PTPRD: variants seen among roughly 807,000 people sequenced by gnomAD.
PTPRD encodes protein tyrosine phosphatase receptor type D.
A neutral mutation model predicts 214.5 loss-of-function variants in PTPRD; 34 were observed. The ratio of observed to expected loss-of-function variants is 0.16; its 90% CI spans 0.12 to 0.21. The LOEUF (loss-of-function observed/expected upper bound fraction) is 0.21. Ranked by LOEUF, PTPRD falls within the 10% of genes least tolerant of loss-of-function variation. PTPRD has a pLI of 1.00. For missense variants in PTPRD, 2,545 were observed against 2,398.7 expected (o/e 1.06, Z -1.27); for synonymous variants, 1,128 against 845.7 (o/e 1.33, Z -5.79).
intron 12 of PTPRD, among the ~76,000 whole-genome samples, chr9:8,694,330 G>A (rs10125358): frequency 0.31 from 46,413 of 151,764 alleles, 8,254 homozygotes; most frequent in African/African-American, 0.48. Context: ...AAAGGAAGCA[G>A]AATCCATAGA....
At position 9,829,025 on chromosome 9, in the gene PTPRD, T is replaced by C. The variant is rs578243914; in HGVS notation, c.-367-62174A>G. Among the ~76,000 whole-genome samples, 13 of 152,040 alleles carry C rather than the reference T, an allele frequency of 8.6e-5. No homozygotes were observed. The South Asian group carries it at 1.9e-3, about 22-fold the overall frequency. On this transcript the variant is annotated intron_variant, in intron 5 of 45. Coordinates refer to ENST00000381196, the MANE Select transcript of PTPRD (RefSeq NM_002839.4). The stretch of plus-strand genomic sequence containing the variant: ...AATGAGTTGATACAAATTATTATTT[T>C]ACTACTGATGCATCCTGATGTTTAA...
At chr9:10,040,300 A>G (rs1030663804) in intron 3 of PTPRD, among the ~76,000 whole-genome samples, 1 of 152,056 alleles carries the variant, frequency 6.6e-6, no homozygotes, top group African/African-American at 2.4e-5. Context: ...TGCATGCTGG[A>G]TGTAGCTTTG....
chr9:9,051,124 T>C (rs1259069217), intron 10 of PTPRD, among the ~76,000 whole-genome samples: 1 of 152,204 alleles, frequency 6.6e-6, no homozygotes, highest in Non-Finnish European at 1.5e-5. Flanking sequence ...TCATTCTCTG[T>C]ACATATTCTA....
intron 11 of PTPRD, among the ~76,000 whole-genome samples, chr9:8,906,476 AAGAGGT>A (rs1195659691): frequency 6.6e-6 from 1 of 152,196 alleles, no homozygotes; most frequent in East Asian, 1.9e-4. Flanking sequence ...TATCTACCTC[AAGAGGT>A]GATCAAAGAA....
At chr9:9,751,809 A>T (rs761214998) in intron 6 of PTPRD, among the ~76,000 whole-genome samples, 3 of 152,140 alleles carry the variant, frequency 2.0e-5, no homozygotes, top group Admixed American at 1.3e-4. Context: ...TAAGCTGCTC[A>T]GTTTGTACTA....
In PTPRD at chr9:9,901,918, T is replaced by A. The variant is rs1426741463; in HGVS notation, c.-368+36589A>T. Reference sequence around the variant, plus strand: ...TCTTGCGAGAACTCGCTCACCATCATGAAAACAGCAAATATTTTTATTTAG... The same window carrying A: ...TCTTGCGAGAACTCGCTCACCATCAAGAAAACAGCAAATATTTTTATTTAG... On this transcript the variant is annotated intron_variant, in intron 5 of 45. Coordinates refer to ENST00000381196, the MANE Select transcript of PTPRD (RefSeq NM_002839.4). Among the ~76,000 whole-genome samples the A allele has an allele frequency of 3.3e-5, 5 of 152,308 alleles. No homozygotes were observed. In the South Asian group the frequency reaches 1.0e-3, roughly 32 times the overall value.
At chr9:9,927,651 G>A (rs755699163) in intron 5 of PTPRD, among the ~76,000 whole-genome samples, 3 of 152,020 alleles carry the variant, frequency 2.0e-5, no homozygotes, top group East Asian at 1.9e-4. Flanking sequence ...TAAATACACC[G>A]TGCATCTCCT....
At chr9:9,526,508 T>C (rs2074157184) in intron 8 of PTPRD, among the ~76,000 whole-genome samples, 1 of 152,266 alleles carries the variant, frequency 6.6e-6, no homozygotes, top group South Asian at 2.1e-4. Flanking sequence ...TATTTAAAAA[T>C]ACAGACTAGA....
chr9:9,145,404 A>G (rs894198029), intron 10 of PTPRD, among the ~76,000 whole-genome samples: 7 of 152,188 alleles, frequency 4.6e-5, no homozygotes, highest in Non-Finnish European at 7.4e-5. Flanking sequence ...TATATTGTAT[A>G]TCTTTAAGTT....
intron 2 of PTPRD, among the ~76,000 whole-genome samples, chr9:10,461,804 T>C (rs1249462910): frequency 6.6e-6 from 1 of 151,964 alleles, no homozygotes; most frequent in African/African-American, 2.4e-5. Flanking sequence ...GTATTTTTAG[T>C]AGAGACGGGG....
chr9:10,123,518 A>C (rs753106249), intron 3 of PTPRD, among the ~76,000 whole-genome samples: 1 of 152,148 alleles, frequency 6.6e-6, no homozygotes, highest in African/African-American at 2.4e-5. Context: ...CCTCTCTCCT[A>C]ATTATTCTCT....
At chr9:9,721,212 T>C (rs781442751) in intron 7 of PTPRD, among the ~76,000 whole-genome samples, 8 of 152,140 alleles carry the variant, frequency 5.3e-5, no homozygotes, top group African/African-American at 1.9e-4. Context: ...TAGAGGATCA[T>C]GGAATATCTT....
intron 2 of PTPRD, among the ~76,000 whole-genome samples, chr9:10,478,714 A>G: frequency 6.6e-6 from 1 of 151,570 alleles, no homozygotes; most frequent in Admixed American, 6.6e-5. Flanking sequence ...GAGTTACTAT[A>G]TTCTGTAATA....
At chr9:8,670,602 T>A (rs1309801997) in intron 12 of PTPRD, among the ~76,000 whole-genome samples, 1 of 152,230 alleles carries the variant, frequency 6.6e-6, no homozygotes, top group Non-Finnish European at 1.5e-5. Context: ...TCCCATACTT[T>A]CGCGTTCTAA....
intron 8 of PTPRD, among the ~76,000 whole-genome samples, chr9:9,536,581 A>G (rs1362729947): frequency 6.6e-6 from 1 of 152,048 alleles, no homozygotes; most frequent in African/African-American, 2.4e-5. Flanking sequence ...ACTGGGCTGG[A>G]CAGAGCAATA....
At chr9:9,085,530 G>A (rs484454) in intron 10 of PTPRD, among the ~76,000 whole-genome samples, 1 of 151,922 alleles carries the variant, frequency 6.6e-6, no homozygotes, top group African/African-American at 2.4e-5. Flanking sequence ...TTTCCAAACA[G>A]TTTAGAAACT....
In PTPRD at chr9:8,832,171, G is replaced by A. The variant is rs138232722; in HGVS notation, c.-103-98225C>T. ...CATATGTCTGATGACTACCAAGACAGTACCTAAATATATTTAAGAATCCTG... is the reference window on the plus strand; with the variant it reads ...CATATGTCTGATGACTACCAAGACAATACCTAAATATATTTAAGAATCCTG... On this transcript the variant is annotated intron_variant, in intron 11 of 45. Transcript: ENST00000381196. Among the ~76,000 whole-genome samples, 171 of 151,634 alleles carry A rather than the reference G, an allele frequency of 1.1e-3. 3 individuals carry two copies. In the East Asian group the frequency reaches 0.03, roughly 27 times the overall value.
intron 11 of PTPRD, among the ~76,000 whole-genome samples, chr9:8,772,415 C>G (rs1465423206): frequency 1.3e-5 from 2 of 151,298 alleles, no homozygotes; most frequent in African/African-American, 4.9e-5. Context: ...TTAAAAACCT[C>G]AAGCAGAAGA....
chr9:9,657,451 C>T (rs750210789), intron 7 of PTPRD, among the ~76,000 whole-genome samples: 1 of 151,988 alleles, frequency 6.6e-6, no homozygotes, highest in East Asian at 1.9e-4. Flanking sequence ...GGGGGCCTGT[C>T]GAGGGTTGGG....
Sources: allele counts gnomAD v4.1 joint callset (sites outside exome capture counted in the v4.1 genomes callset), GRCh38; gene constraint gnomAD v4.1.1; transcripts MANE v1.5; gene names NCBI Gene and HGNC (gene_info 2026-07-23, HGNC 2026-07-21).